FANCD2: variants seen among roughly 807,000 people sequenced by gnomAD.
FANCD2 encodes the protein FA complementation group D2, also known as Fanconi anemia group D2 protein.
FANCD2 carries 131 observed loss-of-function variants against 192.3 expected under a neutral mutation model. That is an observed-to-expected ratio of 0.68 (90% CI 0.59 to 0.79). The LOEUF (loss-of-function observed/expected upper bound fraction) is 0.79, where lower values mean the gene tolerates loss of function less well. Ranked by LOEUF, FANCD2 falls within the 30% of genes least tolerant of loss-of-function variation. The pLI, the probability that FANCD2 is intolerant of heterozygous loss-of-function variation, is 0.00. For synonymous variants in FANCD2, 524 were observed against 612.5 expected, an observed-to-expected ratio of 0.86 and a Z score of 2.13; for missense variants, 1,508 against 1,701.6, an observed-to-expected ratio of 0.89 and a Z score of 2.00.
At chr3:10,032,543 G>A in intron 2 of FANCD2, 1 of 360,642 alleles carries the variant, frequency 2.8e-6, no homozygotes, top group Non-Finnish European at 5.2e-6. Flanking sequence ...CTGGCTTCAA[G>A]TGATCCTCCT....
At chr3:10,067,466 C>T (rs2087753150) in intron 26 of FANCD2, 149 bp downstream of exon 26, 1 of 649,556 alleles carries the variant, frequency 1.5e-6, no homozygotes, top group Non-Finnish European at 2.8e-6. Context: ...ATACAAAAAT[C>T]CTAACAAAAT....
chr3:10,075,517 T>A (rs1693485249), intron 29 of FANCD2, among the ~76,000 whole-genome samples: 1 of 152,188 alleles, frequency 6.6e-6, no homozygotes, highest in African/African-American at 2.4e-5. Flanking sequence ...ACGGCATTAA[T>A]GGTCTGAACC....
At chr3:10,067,600 C>G (rs1314664355) in intron 26 of FANCD2, among the ~76,000 whole-genome samples, 1 of 152,164 alleles carries the variant, frequency 6.6e-6, no homozygotes. Flanking sequence ...GAATTCGAGA[C>G]CAGCCTGGCC....
At chr3:10,093,213 G>T in intron 38 of FANCD2, 72 bp from the exon 39 acceptor site, 2 of 1,146,100 alleles carry the variant, frequency 1.7e-6, no homozygotes, top group Admixed American at 1.7e-5. Context: ...TGTGCTTTGC[G>T]CAGCGGGAAA....
rs2086920799 is a variant in FANCD2 at position 10,043,571 on chromosome 3, CA to C, written c.1078del (p.Ile360PhefsTer24). ...IKSAIRYEKT[I>X]SEAWIKAIEN... Reference sequence around the variant, plus strand: ...AGTCAGCTATTAGATATGAGAAAACCATTTCAGAAGCCTGGATTAAGGTGAG... The same window carrying C: ...AGTCAGCTATTAGATATGAGAAAACCTTTCAGAAGCCTGGATTAAGGTGAG... On this transcript the variant is annotated frameshift_variant, in exon 13 of 44. Coordinates refer to ENST00000675286, the MANE Select transcript of FANCD2 (RefSeq NM_001018115.3). LOFTEE classifies it high-confidence loss of function. The C allele has an allele frequency of 6.2e-7, 1 of 1,612,548 alleles. No individual in the cohort carries two copies. Among genetic ancestry groups the C allele is most frequent in the Admixed American group, 1.7e-5 (1 of 59,974 alleles).
At chr3:10,033,149 G>A (rs1024543715) in intron 3 of FANCD2, among the ~76,000 whole-genome samples, 177 bp downstream of exon 3, 1 of 152,136 alleles carries the variant, frequency 6.6e-6, no homozygotes, top group Non-Finnish European at 1.5e-5. Flanking sequence ...GGTGGCTCAC[G>A]TTTATCATCC....
chr3:10,035,527 C>T (rs902226351), intron 6 of FANCD2, among the ~76,000 whole-genome samples: 5 of 152,188 alleles, frequency 3.3e-5, no homozygotes, highest in Non-Finnish European at 7.3e-5. Flanking sequence ...TTATCATATT[C>T]ATATCTACAT....
chr3:10,051,859 T>C (rs1432090773), intron 17 of FANCD2, among the ~76,000 whole-genome samples: 1 of 152,080 alleles, frequency 6.6e-6, no homozygotes, highest in Non-Finnish European at 1.5e-5. Context: ...TTTCCCAAGG[T>C]CACAAAGTAA....
At chr3:10,038,188 C>T (rs1255275826) in intron 7 of FANCD2, among the ~76,000 whole-genome samples, 3 of 152,266 alleles carry the variant, frequency 2.0e-5, no homozygotes, top group East Asian at 1.9e-4. Flanking sequence ...TATGAGGTTT[C>T]GCCATGTTGG....
At chr3:10,053,442 G>C (rs2087279045) in intron 18 of FANCD2, among the ~76,000 whole-genome samples, 1 of 151,672 alleles carries the variant, frequency 6.6e-6, no homozygotes, top group Non-Finnish European at 1.5e-5. Flanking sequence ...ACGAGTTAGT[G>C]GGTGCAGCAC....
At chr3:10,079,616 C>T (rs562500382) in intron 30 of FANCD2, among the ~76,000 whole-genome samples, 3 of 152,224 alleles carry the variant, frequency 2.0e-5, no homozygotes, top group African/African-American at 4.8e-5. Flanking sequence ...GTGAGCACTG[C>T]GCCCAGCCTA....
In FANCD2 at chr3:10,096,425, T is replaced by C. The variant is rs755572622; in HGVS notation, c.4138T>C (p.Cys1380Arg). 5.6e-6 allele frequency: 9 copies of C among 1,614,134 alleles called. No homozygotes were observed. Among genetic ancestry groups the C allele is most frequent in the Non-Finnish European group, 7.6e-6 (9 of 1,180,014 alleles). Residue 1380 changes from cysteine (C) to arginine (R), a missense_variant, in exon 42 of 44, where the codon TGT (cysteine) becomes CGT (arginine). By Grantham distance (180) the Cys-to-Arg change is radical (BLOSUM62 -3). Around this residue, in one of 5 missense-constraint regions of FANCD2, gnomAD observed 796 missense variants for 879.4 expected, o/e 0.91. Transcript: ENST00000675286. ...CAAAGCTATGCTCACTCTCAACAATTGTAGAGAGGCTTTCTGGCTGGGCAA... is the reference window on the plus strand; with the variant it reads ...CAAAGCTATGCTCACTCTCAACAATCGTAGAGAGGCTTTCTGGCTGGGCAA... ...RVKAMLTLNNCREAFWLGNLK... is the reference protein window; with the variant it reads ...RVKAMLTLNNRREAFWLGNLK...
At chr3:10,052,330 A>C in intron 17 of FANCD2, 57 bp from the exon 18 acceptor site, 1 of 1,171,382 alleles carries the variant, frequency 8.5e-7, no homozygotes, top group Non-Finnish European at 1.3e-6. Context: ...AATTTTTTGA[A>C]TTTTAAGGGA....
chr3:10,083,287 C>G (rs1348304117), intron 32 of FANCD2, among the ~76,000 whole-genome samples: 1 of 151,940 alleles, frequency 6.6e-6, no homozygotes, highest in African/African-American at 2.4e-5. Flanking sequence ...TAAACCATCT[C>G]TAAAAATTAT....
intron 18 of FANCD2, among the ~76,000 whole-genome samples, chr3:10,054,869 G>T (rs1575774966): frequency 6.7e-6 from 1 of 149,790 alleles, no homozygotes; most frequent in Admixed American, 6.7e-5. Flanking sequence ...AAAAACTTTT[G>T]GACTAGGTAA....
chr3:10,079,556 G>A (rs1047946618), intron 30 of FANCD2, among the ~76,000 whole-genome samples: 3 of 151,868 alleles, frequency 2.0e-5, no homozygotes, highest in Non-Finnish European at 2.9e-5. Context: ...CGCCCACCTC[G>A]GCCTCCCAAT....
Position 10,101,466 on chromosome 3 carries a change from A to G in FANCD2, c.*204A>G, listed in dbSNP as rs534184551. On this transcript the variant is annotated 3_prime_UTR_variant, in exon 44 of 44. Coordinates refer to ENST00000675286, the MANE Select transcript of FANCD2 (RefSeq NM_001018115.3). ...AGTGCTGCAATCTTGGCTCACTGCA[A>G]CCTCCATCTCCTAGGTTCAAGCGAT... 20 of 520,888 alleles carry G rather than the reference A, an allele frequency of 3.8e-5. No individual in the cohort carries two copies. Among genetic ancestry groups the G allele is most frequent in the Non-Finnish European group, 6.2e-5 (18 of 292,456 alleles). 32.3% of individuals were successfully genotyped at this position (520,888 alleles called of 1,614,324 possible).
At chr3:10,100,838 G>A (rs1383321666) in intron 43 of FANCD2, among the ~76,000 whole-genome samples, 1 of 152,178 alleles carries the variant, frequency 6.6e-6, no homozygotes, top group African/African-American at 2.4e-5. Context: ...GGGAGGCTGA[G>A]GCAGGCAGAT....
chr3:10,081,469 G>T lies in FANCD2; in HGVS notation c.3224+5G>T. 7 of 1,588,962 alleles carry T rather than the reference G, an allele frequency of 4.4e-6. No individual in the cohort carries two copies. Among genetic ancestry groups the T allele is most frequent in the Non-Finnish European group, 6.1e-6 (7 of 1,156,984 alleles). On this transcript the variant is annotated splice_donor_5th_base_variant and intron_variant, in intron 32 of 43. Transcript: ENST00000675286. ...TTTTCATGGGCTTTTTGCTTGGTAAGTATGTGGGAAGTGTGGAGAGAACTG... is the reference window on the plus strand; with the variant it reads ...TTTTCATGGGCTTTTTGCTTGGTAATTATGTGGGAAGTGTGGAGAGAACTG...
Sources: gnomAD v4.1 joint callset for allele counts (sites outside exome capture counted in the v4.1 genomes callset) on GRCh38, gnomAD v4.1.1 for gene constraint, gnomAD v4.1.1 regional missense constraint, MANE v1.5 for transcripts, NCBI Gene and HGNC (gene_info 2026-07-23, HGNC 2026-07-21) for gene names.